EVC: variants seen among roughly 807,000 people sequenced by gnomAD.
EVC encodes EvC ciliary complex subunit 1.
Under a neutral mutation model 118.9 loss-of-function variants are expected in EVC, and 116 were observed. The observed-to-expected ratio is 0.98, with a 90% CI of 0.84 to 1.14. EVC has a LOEUF of 1.14. Ranked by LOEUF, EVC falls within the 50% of genes most tolerant of loss-of-function variation. The probability of loss-of-function intolerance (pLI) is 0.00; values close to 1 mark genes in which losing one functional copy is unlikely to be tolerated. For missense variants in EVC, 1,401 were observed against 1,246.4 expected (o/e 1.12, Z -1.87); for synonymous variants, 619 against 534.7 (o/e 1.16, Z -2.18).
chr4:5,814,654 C>G, downstream of EVC, among the ~76,000 whole-genome samples: 1 of 152,154 alleles, frequency 6.6e-6, no homozygotes, highest in Non-Finnish European at 1.5e-5. Flanking sequence ...TGCCCTTCCC[C>G]TTCACTCTGC....
At chr4:5,769,102 C>A (rs552687521) in intron 11 of EVC, among the ~76,000 whole-genome samples, 1 of 152,100 alleles carries the variant, frequency 6.6e-6, no homozygotes, top group Middle Eastern at 3.2e-3. Context: ...AAGATATACC[C>A]GAGACTGAGT....
Position 5,741,695 on chromosome 4 carries a change from T to C in EVC, c.703-21T>C, listed in dbSNP as rs111419400. On this transcript the variant is annotated intron_variant, in intron 5 of 20. Transcript: ENST00000264956. ...CATTGATTAAACTTTTCTTTTGTTA[T>C]CTTTCCTTTCTTGGCAATAGATGTT... The C allele has an allele frequency of 2.6e-4, 375 of 1,434,804 alleles. 1 individual carries two copies. In the East Asian group the frequency reaches 7.4e-3, roughly 28 times the overall value. 88.9% of individuals were successfully genotyped at this position (1,434,804 alleles called of 1,614,324 possible).
At position 5,756,147 on chromosome 4, in the gene EVC, A is replaced by G. The variant is rs1731130663; in HGVS notation, c.1465-117A>G. The G allele has an allele frequency of 1.3e-6, 1 of 788,374 alleles. No individual in the cohort carries two copies. Among genetic ancestry groups the G allele is most frequent in the Non-Finnish European group, 2.1e-6 (1 of 465,280 alleles). The allele number at this position is 788,374 out of a possible 1,614,324, so 48.8% of individuals were successfully genotyped here. A position where few individuals can be genotyped will look rare whatever the true frequency, so the allele number is the denominator to read the frequency against. On this transcript the variant is annotated intron_variant, in intron 10 of 20. Transcript: ENST00000264956. This position sits in a 1 kb window ranked among gnomAD's most constrained non-coding sequence, Gnocchi z 4.2. ...GCCTCAGTTTCCTTGTGTGTAATAC[A>G]GGTGCCAACATCCTTCTTTCTAACC...
At chr4:5,768,764 T>C (rs1733447403) in intron 11 of EVC, among the ~76,000 whole-genome samples, 1 of 151,732 alleles carries the variant, frequency 6.6e-6, no homozygotes, top group South Asian at 2.1e-4. Context: ...GGCTGAGGCA[T>C]GAGAATCGCT....
Position 5,754,494 on chromosome 4 carries a change from A to T in EVC, c.1464+561A>T, listed in dbSNP as rs1181252009. On this transcript the variant is annotated intron_variant, in intron 10 of 20. Transcript: ENST00000264956. The surrounding 1 kb of genome is among the most constrained non-coding windows in gnomAD (Gnocchi z 5.8). ...AGCAAGATGTCACCCTCCAAGGAAAAGGAGTCAGCTGGCCCCAGTGCAGGC... is the reference window on the plus strand; with the variant it reads ...AGCAAGATGTCACCCTCCAAGGAAATGGAGTCAGCTGGCCCCAGTGCAGGC... Among the ~76,000 whole-genome samples the T allele has an allele frequency of 6.6e-6, 1 of 152,120 alleles. No homozygotes were observed. The highest frequency in any genetic ancestry group is 1.5e-5 in the Non-Finnish European group (1 of 68,018).
rs1553892090 is a variant in EVC at position 5,798,794 on chromosome 4, T to C, written c.2304+2T>C. Reference sequence around the variant, plus strand: ...GCCAAGGACAGGGATGACTTCAAGGTATGCACTGACCTCTGTCCCTGGGGA... The same window carrying C: ...GCCAAGGACAGGGATGACTTCAAGGCATGCACTGACCTCTGTCCCTGGGGA... On this transcript the variant is annotated splice_donor_variant, in intron 15 of 20. Coordinates refer to ENST00000264956, the MANE Select transcript of EVC (RefSeq NM_153717.3). LOFTEE classifies it high-confidence loss of function. This position sits in a 1 kb window ranked among gnomAD's most constrained non-coding sequence, Gnocchi z 4.1. 7.5e-6 allele frequency: 12 copies of C among 1,610,328 alleles called. No homozygotes were observed. Among genetic ancestry groups the C allele is most frequent in the Non-Finnish European group, 1.0e-5 (12 of 1,179,724 alleles).
chr4:5,769,989 G>T (rs936430018), intron 11 of EVC, among the ~76,000 whole-genome samples: 3 of 152,094 alleles, frequency 2.0e-5, no homozygotes, highest in African/African-American at 7.3e-5. Context: ...CCTGACAGCT[G>T]CTGTGCTCAG....
intron 13 of EVC, among the ~76,000 whole-genome samples, chr4:5,796,002 ATTCTT>A (rs10552482): frequency 0.29 from 44,489 of 150,872 alleles, 7,222 homozygotes; most frequent in South Asian, 0.54. Context: ...TGTATTTTTC[ATTCTT>A]TTCTTCTCCG....
chr4:5,828,452 C>T, the EVC span: 1 of 1,601,330 alleles, frequency 6.2e-7, no homozygotes, highest in Non-Finnish European at 8.5e-7. Context: ...CGGCTCTGGT[C>T]CCACGGGTGG....
intron 1 of EVC, among the ~76,000 whole-genome samples, chr4:5,717,622 C>G (rs149529210): frequency 1.3e-5 from 2 of 152,004 alleles, no homozygotes; most frequent in Non-Finnish European, 2.9e-5. Context: ...CCAAGACCCA[C>G]GACAGACTGC....
At chr4:5,808,140 T>TCCCCCCCCCCCCCCCCC in intron 17 of EVC, 61 bp from the exon 18 acceptor site, 24 of 239,926 alleles carry the variant, frequency 1.0e-4, no homozygotes, top group South Asian at 1.9e-4. Flanking sequence ...TCTCCCTCCC[T>TCCCCCCCCCCCCCCCCC]CCCTCCCTCC....
intron 15 of EVC, among the ~76,000 whole-genome samples, chr4:5,800,774 A>G (rs1187695609): frequency 6.6e-6 from 1 of 152,190 alleles, no homozygotes. Flanking sequence ...AGGGATGAGC[A>G]GGGGCTCGGG....
chr4:5,764,132 A>T (rs79612988), intron 11 of EVC, among the ~76,000 whole-genome samples: 1 of 139,998 alleles, frequency 7.1e-6, no homozygotes, highest in Admixed American at 7.1e-5. Context: ...ATTTTGTCAA[A>T]GGCCTTTTCT....
intron 2 of EVC, among the ~76,000 whole-genome samples, chr4:5,729,103 T>A (rs1336901367): frequency 6.6e-6 from 1 of 152,042 alleles, no homozygotes; most frequent in African/African-American, 2.4e-5. Flanking sequence ...CACCCATCCA[T>A]CCATCTATCC....
chr4:5,765,893 GT>G (rs1355205048), intron 11 of EVC, among the ~76,000 whole-genome samples: 2 of 146,834 alleles, frequency 1.4e-5, no homozygotes, highest in Admixed American at 1.3e-4. Context: ...GGAGCATTTA[GT>G]CCATTTACAT....
chr4:5,750,638 T>C (rs1044450224), intron 8 of EVC, among the ~76,000 whole-genome samples: 3 of 152,196 alleles, frequency 2.0e-5, no homozygotes, highest in Non-Finnish European at 4.4e-5. Flanking sequence ...TAGCACCTGC[T>C]CTCTCACAGG....
the EVC span, among the ~76,000 whole-genome samples, chr4:5,819,566 C>T: frequency 6.6e-6 from 1 of 152,122 alleles, no homozygotes; most frequent in Admixed American, 6.5e-5. Flanking sequence ...CTCCCATGAC[C>T]TGGGAGTCAG....
intron 11 of EVC, among the ~76,000 whole-genome samples, chr4:5,772,397 A>G (rs1049331768): frequency 5.3e-5 from 8 of 152,056 alleles, no homozygotes; most frequent in Non-Finnish European, 1.2e-4. Flanking sequence ...GGCCCATTTC[A>G]GCTGCATACC....
At position 5,742,372 on chromosome 4, in the gene EVC, T is replaced by C. The variant is rs938029637; in HGVS notation, c.801+558T>C. Among the ~76,000 whole-genome samples the C allele has an allele frequency of 1.3e-5, 2 of 152,194 alleles. No homozygotes were observed. The highest frequency in any genetic ancestry group is 4.8e-5 in the African/African-American group (2 of 41,454). ...TAGCAATGTCATAGTTGGCTGTGAA[T>C]ATGTGATGGCTGCTGTCATCCTCAT... is the stretch of plus-strand genomic sequence containing the variant. On this transcript the variant is annotated intron_variant, in intron 6 of 20. Transcript: ENST00000264956. The surrounding 1 kb of genome is among the most constrained non-coding windows in gnomAD (Gnocchi z 5.2).
Sources: gnomAD v4.1 joint callset for allele counts (sites outside exome capture counted in the v4.1 genomes callset) on GRCh38, gnomAD v4.1.1 for gene constraint, Gnocchi (gnomAD v3.1) non-coding constraint, MANE v1.5 for transcripts, NCBI Gene and HGNC (gene_info 2026-07-23, HGNC 2026-07-21) for gene names.